Variants in TDRKH observed in about 807,000 individuals in gnomAD.
The protein encoded by TDRKH is tudor and KH domain containing.
A neutral mutation model predicts 61.3 loss-of-function variants in TDRKH; 28 were observed. The ratio of observed to expected loss-of-function variants is 0.46; its 90% CI spans 0.34 to 0.63. TDRKH has a LOEUF of 0.63. Among genes scored for constraint, TDRKH ranks in the 20% least tolerant of loss-of-function variants. TDRKH has a pLI of 0.01. For missense variants in TDRKH, 540 were observed against 683.4 expected (o/e 0.79, Z 2.34); for synonymous variants, 219 against 244.4 (o/e 0.90, Z 0.97).
intron 1 of TDRKH, among the ~76,000 whole-genome samples, chr1:151,788,732 A>G (rs1416317621): frequency 6.6e-6 from 1 of 151,972 alleles, no homozygotes; most frequent in South Asian, 2.1e-4. Context: ...TCATAATCAC[A>G]CCTCTTTACA....
At chr1:151,778,501 A>T in intron 6 of TDRKH, 184 bp downstream of exon 6, 1 of 1,549,974 alleles carries the variant, frequency 6.5e-7, no homozygotes, top group Non-Finnish European at 8.9e-7. Context: ...CAAACTGTCC[A>T]GCAACTGTTG....
At chr1:151,771,368 G>A (rs1199534651), downstream of TDRKH, 3 of 1,453,240 alleles carry the variant, frequency 2.1e-6, no homozygotes, top group Non-Finnish European at 2.7e-6. Flanking sequence ...TGGGTAATAG[G>A]GTTGACTGGA....
At chr1:151,777,235 A>G (rs1233683557) in intron 6 of TDRKH, among the ~76,000 whole-genome samples, 1 of 152,246 alleles carries the variant, frequency 6.6e-6, no homozygotes, top group Non-Finnish European at 1.5e-5. Flanking sequence ...ATTTGAGGCC[A>G]GGAGTTCGAG....
At chr1:151,777,547 A>C (rs1312914299) in intron 6 of TDRKH, among the ~76,000 whole-genome samples, 3 of 152,044 alleles carry the variant, frequency 2.0e-5, no homozygotes, top group Non-Finnish European at 2.9e-5. Flanking sequence ...CATTTCCATC[A>C]GCTGTTTTAT....
At position 151,782,941 on chromosome 1, in the gene TDRKH, T is replaced by C. The variant is rs1189682889; in HGVS notation, c.82A>G (p.Thr28Ala). 1 of 1,613,606 alleles carries C rather than the reference T, an allele frequency of 6.2e-7. No homozygotes were observed. The highest frequency in any genetic ancestry group is 8.5e-7 in the Non-Finnish European group (1 of 1,179,866). ...ALGLGIPASA[T>A]VAYILYRRYR... The stretch of plus-strand genomic sequence containing the variant: ...CTGCGGTATAGGATATAGGCAACTG[T>C]TGCACTGGCTGGGATCCCAAGGCCC... Residue 28 changes from threonine to alanine, a missense_variant, in exon 2 of 13, where the codon ACA (threonine) becomes GCA (alanine). Physicochemically the swap from Thr to Ala is moderately conservative, Grantham distance 58 (BLOSUM62 0). Transcript: ENST00000368824.
At chr1:151,788,110 C>T (rs1384621966) in intron 1 of TDRKH, among the ~76,000 whole-genome samples, 3 of 152,124 alleles carry the variant, frequency 2.0e-5, no homozygotes, top group African/African-American at 7.2e-5. Flanking sequence ...GGAACCAATC[C>T]CCTGCAAATA....
At chr1:151,770,342 T>C, downstream of TDRKH, 2 of 1,504,804 alleles carry the variant, frequency 1.3e-6, no homozygotes, top group Non-Finnish European at 1.8e-6. Flanking sequence ...TCTTCCCCTG[T>C]CTTTAAAAAT....
intron 1 of TDRKH, 181 bp from the exon 2 acceptor site, chr1:151,783,230 T>C (rs1471179407): frequency 4.9e-6 from 2 of 411,616 alleles, no homozygotes; most frequent in Non-Finnish European, 4.2e-6. Context: ...TTTTAAAAGT[T>C]AGCTAAGGTA....
downstream of TDRKH, chr1:151,766,705 G>T (rs1648370060): frequency 2.6e-6 from 4 of 1,551,618 alleles, no homozygotes; most frequent in Non-Finnish European, 3.5e-6. Flanking sequence ...GCCACAGGGA[G>T]GCACTGAACT....
At position 151,775,131 on chromosome 1, in the gene TDRKH, T is replaced by A. The variant is rs1432442435; in HGVS notation, c.1470A>T (p.Gly490=). 6.2e-7 allele frequency: 1 copy of A among 1,614,056 alleles called. No homozygotes were observed. Among genetic ancestry groups the A allele is most frequent in the Admixed American group, 1.7e-5 (1 of 60,004 alleles). The part of the protein sequence containing the change: ...LDIGLELVHK[G]YAIELPEDIE... ...TGTCTTCAGGAAGCTCAATTGCGTA[T>A]CCTTTGTGTACTAATTCTAGCCCAA... The change falls in exon 11 of 13, where the codon GGA becomes GGT. Residue 490 remains glycine, a synonymous_variant. Coordinates refer to ENST00000368824, the MANE Select transcript of TDRKH (RefSeq NM_001083965.2).
chr1:151,785,841 G>A (rs1382580077), intron 1 of TDRKH, among the ~76,000 whole-genome samples: 1 of 152,030 alleles, frequency 6.6e-6, no homozygotes. Context: ...AAAAAACACT[G>A]AAGACTAAAA....
intron 1 of TDRKH, among the ~76,000 whole-genome samples, chr1:151,789,182 G>A (rs779681182): frequency 2.4e-4 from 37 of 152,146 alleles, no homozygotes; most frequent in African/African-American, 4.8e-4. Context: ...TGCGGTTTTG[G>A]CCGACTTCTA....
At chr1:151,786,598 T>G (rs1650337647) in intron 1 of TDRKH, among the ~76,000 whole-genome samples, 1 of 152,196 alleles carries the variant, frequency 6.6e-6, no homozygotes, top group Non-Finnish European at 1.5e-5. Context: ...GACCAGAATT[T>G]GCATCTGGCC....
At chr1:151,784,485 T>C (rs1650134069) in intron 1 of TDRKH, among the ~76,000 whole-genome samples, 1 of 152,360 alleles carries the variant, frequency 6.6e-6, no homozygotes, top group East Asian at 1.9e-4. Flanking sequence ...TTCATACTGC[T>C]CAATCCAAAG....
At chr1:151,781,841 G>T in intron 2 of TDRKH, 1 of 470,072 alleles carries the variant, frequency 2.1e-6, no homozygotes, top group Non-Finnish European at 3.9e-6. Flanking sequence ...ATAAACAGGT[G>T]CTGGGGTTTG....
chr1:151,777,996 C>G lies in TDRKH; in HGVS notation c.883+689G>C, dbSNP rs112912298. Among the ~76,000 whole-genome samples the G allele has an allele frequency of 2.4e-4, 37 of 152,178 alleles. 2 individuals carry two copies. Among genetic ancestry groups the G allele is most frequent in the African/African-American group, 8.7e-4 (36 of 41,508 alleles). Reference sequence around the variant, plus strand: ...GGACTTTATCCCAGACTCATTTGTTCTGTTACAGAAACTAACCTAAAAGGT... The same window carrying G: ...GGACTTTATCCCAGACTCATTTGTTGTGTTACAGAAACTAACCTAAAAGGT... On this transcript the variant is annotated intron_variant, in intron 6 of 12. Transcript: ENST00000368824.
At chr1:151,782,759 G>T (rs748301231) in intron 2 of TDRKH, 140 bp downstream of exon 2, 1 of 1,123,120 alleles carries the variant, frequency 8.9e-7, no homozygotes, top group Non-Finnish European at 1.2e-6. Flanking sequence ...GACAGAGTGA[G>T]ACCCTGTCTC....
In TDRKH at chr1:151,775,438, A is replaced by G; in HGVS notation, c.1388T>C (p.Ile463Thr). 6.2e-7 allele frequency: 1 copy of G among 1,614,100 alleles called. No individual in the cohort carries two copies. Among genetic ancestry groups the G allele is most frequent in the Non-Finnish European group, 8.5e-7 (1 of 1,180,012 alleles). Reference sequence around the variant, plus strand: ...TAAGTAGATCTTTGGCCAAGTTGAGATCCCAGTCTGGACATAGCTAGAGAT... The same window carrying G: ...TAAGTAGATCTTTGGCCAAGTTGAGGTCCCAGTCTGGACATAGCTAGAGAT... ...AKISSYVQTG[I>T]STWPKIYLYD... is the part of the protein sequence containing the mutation. Residue 463 changes from isoleucine to threonine, a missense_variant, in exon 10 of 13, where the codon ATC (isoleucine) becomes ACC (threonine). Around this residue, in one of 3 missense-constraint regions of TDRKH, gnomAD observed 379 missense variants for 443.8 expected, o/e 0.85. Coordinates refer to ENST00000368824, the MANE Select transcript of TDRKH (RefSeq NM_001083965.2).
chr1:151,789,723 T>C (rs1307568765), intron 1 of TDRKH, among the ~76,000 whole-genome samples: 1 of 152,210 alleles, frequency 6.6e-6, no homozygotes, highest in East Asian at 1.9e-4. Flanking sequence ...AGATAACTCA[T>C]TCCAGTATCT....
Sources: allele counts gnomAD v4.1 joint callset (sites outside exome capture counted in the v4.1 genomes callset), GRCh38; gene constraint gnomAD v4.1.1; regional missense constraint gnomAD v4.1.1; transcripts MANE v1.5; gene names NCBI Gene and HGNC (gene_info 2026-07-23, HGNC 2026-07-21).